Variants in LAMA4 observed in about 807,000 individuals in gnomAD.
LAMA4 encodes the protein laminin subunit alpha-4.
LAMA4 carries 127 observed loss-of-function variants against 207.1 expected under a neutral mutation model. That is an observed-to-expected ratio of 0.61 (90% confidence interval 0.53 to 0.71). LAMA4 has a LOEUF of 0.71. Ranked by LOEUF, LAMA4 falls within the 30% of genes least tolerant of loss-of-function variation. The pLI is 0.00. For synonymous variants in LAMA4, 761 were observed against 816.0 expected, an observed-to-expected ratio of 0.93 and a Z score of 1.15; for missense variants, 2,093 against 2,246.5, an observed-to-expected ratio of 0.93 and a Z score of 1.38.
chr6:112,167,161 G>T (rs1554340249), intron 12 of LAMA4, among the ~76,000 whole-genome samples: 2 of 152,126 alleles, frequency 1.3e-5, no homozygotes, highest in African/African-American at 2.4e-5. Context: ...GTACTTTTTT[G>T]GTTTTGTATG....
chr6:112,226,298 C>T (rs978304114), intron 2 of LAMA4, among the ~76,000 whole-genome samples: 2 of 152,214 alleles, frequency 1.3e-5, no homozygotes, highest in Non-Finnish European at 2.9e-5. Context: ...GCATGACATA[C>T]AAGGATCCAA....
At position 112,148,153 on chromosome 6, in the gene LAMA4, A is replaced by T; in HGVS notation, c.2353+4T>A. On this transcript the variant is annotated splice_donor_region_variant and intron_variant, in intron 18 of 38. Coordinates refer to ENST00000230538, the MANE Select transcript of LAMA4 (RefSeq NM_001105206.3). Reference sequence around the variant, plus strand: ...ATTCAAATTGTGAAATTTCTAAGTGATACCTGCATCCCTAGCAGAGTTCAC... The same window carrying T: ...ATTCAAATTGTGAAATTTCTAAGTGTTACCTGCATCCCTAGCAGAGTTCAC... 2 of 1,613,048 alleles carry T rather than the reference A, an allele frequency of 1.2e-6. No homozygotes were observed. Among genetic ancestry groups the T allele is most frequent in the Non-Finnish European group, 1.7e-6 (2 of 1,178,938 alleles).
intron 2 of LAMA4, among the ~76,000 whole-genome samples, chr6:112,242,083 C>T (rs1294446573): frequency 6.6e-6 from 1 of 152,194 alleles, no homozygotes; most frequent in Non-Finnish European, 1.5e-5. Flanking sequence ...CCTGCCTCTG[C>T]TCTACTTCCT....
intron 13 of LAMA4, 29 bp downstream of exon 13, chr6:112,165,131 A>G (rs1174445674): frequency 7.8e-7 from 1 of 1,287,656 alleles, no homozygotes; most frequent in Admixed American, 1.7e-5. Context: ...CTGGAAATAC[A>G]AACCTGAACA....
Position 112,140,810 on chromosome 6 carries a change from C to T in LAMA4, c.2926G>A (p.Asp976Asn), listed in dbSNP as rs1183628085. 3 of 1,613,952 alleles carry T rather than the reference C, an allele frequency of 1.9e-6. No individual in the cohort carries two copies. The highest frequency in any genetic ancestry group is 1.3e-5 in the African/African-American group (1 of 74,920). ...ACATAAAACACTGTGTCCTCAGGGT[C>T]CAGGTCCAGCAGAGAGTCATCTCCC... is the stretch of plus-strand genomic sequence containing the variant. Reference protein sequence around the residue: ...FSGDDSLLDLDPEDTVFYVGG... With the variant: ...FSGDDSLLDLNPEDTVFYVGG... The change falls in exon 22 of 39, where the codon GAC becomes AAC. Residue 976 changes from aspartate to asparagine, a missense_variant. This residue lies in a region of LAMA4 where 1,704 missense variants were observed against 1,788.4 expected (regional missense o/e 0.95). Transcript: ENST00000230538.
At chr6:112,138,425 T>C (rs1779482828) in intron 24 of LAMA4, among the ~76,000 whole-genome samples, 1 of 152,168 alleles carries the variant, frequency 6.6e-6, no homozygotes, top group South Asian at 2.1e-4. Context: ...TGAATCACTG[T>C]GTCACAAAGA....
At position 112,249,395 on chromosome 6, in the gene LAMA4, AT is replaced by A. The variant is rs377644335; in HGVS notation, c.195+4560del. 3.1e-3 allele frequency among the ~76,000 whole-genome samples: 454 copies of A among 146,074 alleles called. 4 individuals are homozygous for A. Among genetic ancestry groups the A allele is most frequent in the Middle Eastern group, 0.029 (8 of 276 alleles). Reference sequence around the variant, plus strand: ...GAGGCAGGGGTTGCAGTGAGCTGAGATCAAGCCACTGCACTCCAGACAGGCA... The same window carrying A: ...GAGGCAGGGGTTGCAGTGAGCTGAGACAAGCCACTGCACTCCAGACAGGCA... On this transcript the variant is annotated intron_variant, in intron 2 of 38. Coordinates refer to ENST00000230538, the MANE Select transcript of LAMA4 (RefSeq NM_001105206.3).
intron 5 of LAMA4, chr6:112,200,252 A>C (rs1783661776): frequency 2.1e-6 from 1 of 479,248 alleles, no homozygotes; most frequent in Non-Finnish European, 4.2e-6. Context: ...AAAAGAAGAC[A>C]TTTATGTGGC....
chr6:112,142,431 A>G, intron 19 of LAMA4, 139 bp from the exon 20 acceptor site: 1 of 806,438 alleles, frequency 1.2e-6, no homozygotes, highest in Non-Finnish European at 2.1e-6. Flanking sequence ...ATCCTCCCCT[A>G]GTTGAAGAGA....
At chr6:112,160,609 T>A (rs964479821) in intron 13 of LAMA4, among the ~76,000 whole-genome samples, 1 of 152,214 alleles carries the variant, frequency 6.6e-6, no homozygotes, top group African/African-American at 2.4e-5. Context: ...CCATCCTTAT[T>A]TACTGGACCC....
At chr6:112,142,517 A>T (rs1278998813) in intron 19 of LAMA4, among the ~76,000 whole-genome samples, 1 of 152,156 alleles carries the variant, frequency 6.6e-6, no homozygotes, top group East Asian at 1.9e-4. Context: ...GACTAAGTAG[A>T]TCCAAGAATG....
At chr6:112,251,625 T>G (rs1215090752) in intron 2 of LAMA4, 1 of 152,244 alleles carries the variant, frequency 6.6e-6, no homozygotes, top group African/African-American at 2.4e-5. Context: ...CCCAGTAAAG[T>G]GTTTGTACCA....
intron 7 of LAMA4, chr6:112,188,906 T>A: frequency 1.7e-6 from 1 of 575,860 alleles, no homozygotes; most frequent in East Asian, 2.9e-5. Context: ...GCTATGCAAA[T>A]GTAAACCACC....
chr6:112,141,314 T>C (rs782468326), intron 21 of LAMA4, 44 bp downstream of exon 21: 12 of 1,587,952 alleles, frequency 7.6e-6, no homozygotes, highest in Non-Finnish European at 8.6e-6. Context: ...AACAGGTTTC[T>C]TGTGATATGT....
chr6:112,121,357 TC>T (rs1170593084), intron 32 of LAMA4, among the ~76,000 whole-genome samples: 1 of 152,218 alleles, frequency 6.6e-6, no homozygotes, highest in Non-Finnish European at 1.5e-5. Flanking sequence ...TCTAAATTCT[TC>T]CTGGAAAATA....
intron 2 of LAMA4, among the ~76,000 whole-genome samples, chr6:112,221,823 G>A (rs1468221884): frequency 1.3e-5 from 2 of 152,134 alleles, no homozygotes; most frequent in African/African-American, 4.8e-5. Flanking sequence ...TTTTCTAGTG[G>A]AGAAAAACAT....
chr6:112,200,506 A>G (rs1783677719), intron 5 of LAMA4, among the ~76,000 whole-genome samples: 1 of 152,346 alleles, frequency 6.6e-6, no homozygotes, highest in East Asian at 1.9e-4. Flanking sequence ...CAGAATTACC[A>G]TTTGACCCAG....
In LAMA4 at chr6:112,134,600, T is replaced by C. The variant is rs1389726946; in HGVS notation, c.3424A>G (p.Ile1142Val). Residue 1142 changes from isoleucine to valine, a missense_variant, in exon 26 of 39, where the codon ATT becomes GTT. By Grantham distance (29) the Ile-to-Val change is conservative. Around this residue, in one of 3 missense-constraint regions of LAMA4, gnomAD observed 1,704 missense variants for 1,788.4 expected, o/e 0.95. Transcript: ENST00000230538. ...ATCATTTTCTTATCATTGTGGTAAA[T>C]GATTGAGATCTGGGAGAGATAATAT... ...NDAKYHEISI[I>V]YHNDKKMILV... 10 of 1,607,980 alleles carry C rather than the reference T, an allele frequency of 6.2e-6. No homozygotes were observed. In the Admixed American group the frequency reaches 1.2e-4, roughly 19 times the overall value.
chr6:112,239,541 C>T (rs1319523519), intron 2 of LAMA4, among the ~76,000 whole-genome samples: 12 of 152,176 alleles, frequency 7.9e-5, no homozygotes, highest in Admixed American at 5.9e-4. Flanking sequence ...ACACATTCCC[C>T]CATTCAGGTT....
Sources: gnomAD v4.1 joint callset for allele counts (sites outside exome capture counted in the v4.1 genomes callset) on GRCh38, gnomAD v4.1.1 for gene constraint, gnomAD v4.1.1 regional missense constraint, MANE v1.5 for transcripts, NCBI Gene and HGNC (gene_info 2026-07-23, HGNC 2026-07-21) for gene names.